ACVR1C: variants seen among roughly 807,000 people sequenced by gnomAD.
ACVR1C encodes the protein activin receptor type-1C.
In ACVR1C, 23 loss-of-function variants were observed where a neutral mutation model predicts 57.9. That is an observed-to-expected ratio of 0.40 (90% CI 0.29 to 0.56). ACVR1C has a LOEUF of 0.56. Among genes scored for constraint, ACVR1C ranks in the 20% least tolerant of loss-of-function variants. The pLI is 0.50. For missense variants in ACVR1C, 480 were observed against 607.9 expected (o/e 0.79, Z 2.21); for synonymous variants, 214 against 215.3 (o/e 0.99, Z 0.05).
intron 8 of ACVR1C, 128 bp downstream of exon 8, chr2:157,538,445 G>T: frequency 1.1e-6 from 1 of 899,546 alleles, no homozygotes; most frequent in Non-Finnish European, 1.5e-6. Context: ...TCCTTCTGAA[G>T]ACTTATAAAA....
At chr2:157,587,534 AAC>A (rs1272280234) in intron 1 of ACVR1C, 117 bp from the exon 2 acceptor site, 3 of 737,366 alleles carry the variant, frequency 4.1e-6, no homozygotes, top group African/African-American at 1.8e-5. Flanking sequence ...TTTAAATAAA[AAC>A]ACTTGCTAAA....
Position 157,587,212 on chromosome 2 carries a change from G to A in ACVR1C, c.279C>T (p.Asn93=), listed in dbSNP as rs368708276. Residue 93 remains asparagine (N), a synonymous_variant, in exon 2 of 9, where the codon AAC becomes AAT. Coordinates refer to ENST00000243349, the MANE Select transcript of ACVR1C (RefSeq NM_145259.3). ...CTGTTGGAAGGTGCAGTGTTATGTT[G>A]TTGCAAAAATCTGTGAAGCAGCATT... ...KTECCFTDFC[N]NITLHLPTAS... 12 of 1,613,216 alleles carry A rather than the reference G, an allele frequency of 7.4e-6. No individual in the cohort carries two copies. The highest frequency in any genetic ancestry group is 1.1e-5 in the South Asian group (1 of 91,082).
rs1433923561 is a variant in ACVR1C at position 157,541,107 on chromosome 2, C to T, written c.1208G>A (p.Arg403Gln). Residue 403 changes from arginine (R) to glutamine (Q), a missense_variant, in exon 7 of 9, where the codon CGG (arginine) becomes CAG (glutamine). Arg to Gln is a conservative substitution (Grantham distance 43). Coordinates refer to ENST00000243349, the MANE Select transcript of ACVR1C (RefSeq NM_145259.3). ...AATTTTACCTCCGACTGAACACCTCCGGGCTATTTCCCAGTAAACCAGACC... is the reference window on the plus strand; with the variant it reads ...AATTTTACCTCCGACTGAACACCTCTGGGCTATTTCCCAGTAAACCAGACC... ...SVGLVYWEIA[R>Q]RCSVGGIVEE... is the part of the protein sequence containing the mutation. 7 of 1,613,710 alleles carry T rather than the reference C, an allele frequency of 4.3e-6. No homozygotes were observed. The highest frequency in any genetic ancestry group is 1.6e-4 in the Middle Eastern group (1 of 6,082).
At chr2:157,605,857 A>T (rs1332281379) in intron 1 of ACVR1C, among the ~76,000 whole-genome samples, 2 of 151,692 alleles carry the variant, frequency 1.3e-5, no homozygotes, top group Non-Finnish European at 3.0e-5. Flanking sequence ...GTTGGAAAGT[A>T]CAGTGCCCCT....
In ACVR1C at chr2:157,612,558, G is replaced by A. The variant is rs566545107; in HGVS notation, c.73+16014C>T. Among the ~76,000 whole-genome samples, 9 of 152,148 alleles carry A rather than the reference G, an allele frequency of 5.9e-5. No individual in the cohort carries two copies. The South Asian group carries it at 1.7e-3, about 28-fold the overall frequency. The stretch of plus-strand genomic sequence containing the variant: ...CAGCAGTGTGTGGAGTTGGGAAGGG[G>A]TCCCACTCTCTGTTTGCAAGCCCAA... On this transcript the variant is annotated intron_variant, in intron 1 of 8. Coordinates refer to ENST00000243349, the MANE Select transcript of ACVR1C (RefSeq NM_145259.3).
At chr2:157,603,329 C>T (rs2105141807) in intron 1 of ACVR1C, among the ~76,000 whole-genome samples, 1 of 152,232 alleles carries the variant, frequency 6.6e-6, no homozygotes, top group African/African-American at 2.4e-5. Context: ...GTGACTATCC[C>T]TGACTGGAGA....
rs1469394185 is a variant in ACVR1C at position 157,530,326 on chromosome 2, A to C, written c.*3592T>G. Reference sequence around the variant, plus strand: ...AGACTATGCCCTAACAAGCAATTTTAAGTTGTTTACTCAAACTTTGTATAA... The same window carrying C: ...AGACTATGCCCTAACAAGCAATTTTCAGTTGTTTACTCAAACTTTGTATAA... On this transcript the variant is annotated 3_prime_UTR_variant, in exon 9 of 9. Coordinates refer to ENST00000243349, the MANE Select transcript of ACVR1C (RefSeq NM_145259.3). 1 of 152,100 alleles carries C rather than the reference A, an allele frequency of 6.6e-6. No individual in the cohort carries two copies. Among genetic ancestry groups the C allele is most frequent in the African/African-American group, 2.4e-5 (1 of 41,446 alleles). The allele number at this position is 152,100 out of a possible 1,614,324, so 9.4% of individuals were successfully genotyped here. A position where few individuals can be genotyped will look rare whatever the true frequency, so the allele number is the denominator to read the frequency against.
At chr2:157,588,486 A>G (rs1688979495) in intron 1 of ACVR1C, among the ~76,000 whole-genome samples, 1 of 151,874 alleles carries the variant, frequency 6.6e-6, no homozygotes, top group Non-Finnish European at 1.5e-5. Context: ...TTTGGGTTAC[A>G]TGGGTGAACT....
chr2:157,585,559 T>C (rs187536092), intron 2 of ACVR1C, among the ~76,000 whole-genome samples: 1 of 152,260 alleles, frequency 6.6e-6, no homozygotes, highest in South Asian at 2.1e-4. Flanking sequence ...TCAAAGAATG[T>C]AGTCTTGAGG....
chr2:157,539,395 C>T (rs2105204296), intron 7 of ACVR1C, among the ~76,000 whole-genome samples: 1 of 152,184 alleles, frequency 6.6e-6, no homozygotes, highest in African/African-American at 2.4e-5. Flanking sequence ...TACTTAAATT[C>T]CAAGAAATCC....
At position 157,533,975 on chromosome 2, in the gene ACVR1C, A is replaced by G; in HGVS notation, c.1425T>C (p.Ala475=). 4 of 1,598,670 alleles carry G rather than the reference A, an allele frequency of 2.5e-6. No homozygotes were observed. The highest frequency in any genetic ancestry group is 3.4e-6 in the Non-Finnish European group (4 of 1,173,454). Residue 475 remains alanine (A), a synonymous_variant, in exon 9 of 9, where the codon GCT becomes GCC. Coordinates refer to ENST00000243349, the MANE Select transcript of ACVR1C (RefSeq NM_145259.3). Reference sequence around the variant, plus strand: ...GAGATATAGTCTTCTTAATACGAAGAGCAGTTAGGCGGGCCGCTCCGTTGG... The same window carrying G: ...GAGATATAGTCTTCTTAATACGAAGGGCAGTTAGGCGGGCCGCTCCGTTGG... The part of the protein sequence containing the change: ...WYANGAARLT[A]LRIKKTISQL...
chr2:157,544,441 A>C lies in ACVR1C; in HGVS notation c.943+4T>G. 1 of 1,605,250 alleles carries C rather than the reference A, an allele frequency of 6.2e-7. No homozygotes were observed. The highest frequency in any genetic ancestry group is 1.1e-5 in the South Asian group (1 of 88,688). ...TGGAAAAAAAATGAAAAGGAAATAC[A>C]TACCTTGTGTACCAACAATCTCCAT... On this transcript the variant is annotated splice_donor_region_variant and intron_variant, in intron 5 of 8. Transcript: ENST00000243349.
At chr2:157,577,357 T>C (rs951689241) in intron 2 of ACVR1C, among the ~76,000 whole-genome samples, 9 of 152,178 alleles carry the variant, frequency 5.9e-5, no homozygotes, top group Non-Finnish European at 1.3e-4. Flanking sequence ...AGTGGTATGC[T>C]GAAATCTCCC....
chr2:157,625,947 A>T (rs1682886394), intron 1 of ACVR1C, among the ~76,000 whole-genome samples: 1 of 152,072 alleles, frequency 6.6e-6, no homozygotes, highest in Non-Finnish European at 1.5e-5. Context: ...AACCAGAGCA[A>T]CTCAGAGGAG....
At chr2:157,608,986 TG>T (rs1182497226) in intron 1 of ACVR1C, among the ~76,000 whole-genome samples, 3 of 151,968 alleles carry the variant, frequency 2.0e-5, no homozygotes, top group Non-Finnish European at 4.4e-5. Flanking sequence ...AGTTCTGCTG[TG>T]ATCTTTATTA....
chr2:157,555,973 C>T, intron 3 of ACVR1C, 120 bp downstream of exon 3: 1 of 1,192,440 alleles, frequency 8.4e-7, no homozygotes, highest in South Asian at 1.7e-5. Context: ...TACCAGAGCT[C>T]ACCATGTATC....
rs1688185200 is a variant in ACVR1C at position 157,559,429 on chromosome 2, G to A, written c.305-3097C>T. On this transcript the variant is annotated intron_variant, in intron 2 of 8. Coordinates refer to ENST00000243349, the MANE Select transcript of ACVR1C (RefSeq NM_145259.3). ...GGGGGGATAAATGAAAAAAAAAACT[G>A]TAGTCTACATCCAGCGAATCAGGGT... 2.0e-5 allele frequency among the ~76,000 whole-genome samples: 3 copies of A among 152,106 alleles called. No homozygotes were observed. In the South Asian group the frequency reaches 6.2e-4, roughly 32 times the overall value.
chr2:157,616,537 C>A (rs1682656632), intron 1 of ACVR1C, among the ~76,000 whole-genome samples: 1 of 152,118 alleles, frequency 6.6e-6, no homozygotes, highest in South Asian at 2.1e-4. Flanking sequence ...TGCATCATAT[C>A]TAAATCAGGT....
intron 1 of ACVR1C, among the ~76,000 whole-genome samples, chr2:157,602,376 A>C (rs992932052): frequency 6.6e-6 from 1 of 152,340 alleles, no homozygotes; most frequent in South Asian, 2.1e-4. Context: ...TCATTTGCCA[A>C]ATTGGAAATG....
Sources: allele counts gnomAD v4.1 joint callset (sites outside exome capture counted in the v4.1 genomes callset), GRCh38; gene constraint gnomAD v4.1.1; transcripts MANE v1.5; gene names NCBI Gene and HGNC (gene_info 2026-07-23, HGNC 2026-07-21).